The following SH2B2 variants were observed in gnomAD, a reference collection of about 807,000 sequenced individuals.
SH2B2 encodes the protein SH2B adapter protein 2.
Under a neutral mutation model 35.7 loss-of-function variants are expected in SH2B2, and 37 were observed. The observed-to-expected ratio is 1.04, with a 90% CI of 0.80 to 1.36. The LOEUF (loss-of-function observed/expected upper bound fraction) is 1.36, where lower values mean the gene tolerates loss of function less well. Ranked by LOEUF, SH2B2 falls within the 40% of genes most tolerant of loss-of-function variation. The probability of loss-of-function intolerance (pLI) is 0.00; values close to 1 mark genes in which losing one functional copy is unlikely to be tolerated. For synonymous variants in SH2B2, 383 were observed against 376.4 expected, an observed-to-expected ratio of 1.02 and a Z score of -0.20; for missense variants, 852 against 817.7, an observed-to-expected ratio of 1.04 and a Z score of -0.51.
intron 1 of SH2B2, among the ~76,000 whole-genome samples, chr7:102,294,865 T>C (rs1357238520): frequency 6.6e-6 from 1 of 152,214 alleles, no homozygotes; most frequent in Non-Finnish European, 1.5e-5. Flanking sequence ...CTGGACCTAC[T>C]GAGGGCTTCT....
At chr7:102,302,482 C>T (rs1201797390) in intron 2 of SH2B2, among the ~76,000 whole-genome samples, 1 of 152,244 alleles carries the variant, frequency 6.6e-6, no homozygotes, top group Non-Finnish European at 1.5e-5. Context: ...AGGGGCTGGC[C>T]ATCAGGTCCC....
At chr7:102,294,216 C>T (rs946601651) in intron 1 of SH2B2, among the ~76,000 whole-genome samples, 5 of 152,012 alleles carry the variant, frequency 3.3e-5, no homozygotes, top group Admixed American at 6.6e-5. Context: ...TTAGTAGAGA[C>T]GGGGTTTCAC....
chr7:102,296,978 CA>C (rs1212982728), intron 1 of SH2B2, among the ~76,000 whole-genome samples: 1 of 148,044 alleles, frequency 6.8e-6, no homozygotes, highest in Non-Finnish European at 1.5e-5. Flanking sequence ...GACTCTGTCT[CA>C]AAAAAAAACA....
chr7:102,285,252 G>T, upstream of SH2B2: 9 of 1,550,712 alleles, frequency 5.8e-6, no homozygotes, highest in Non-Finnish European at 6.1e-6. Flanking sequence ...CCACTACTCT[G>T]AACCAGGTTA....
intron 8 of SH2B2, 81 bp downstream of exon 8, chr7:102,320,583 G>C (rs1335171511): frequency 6.7e-7 from 1 of 1,495,594 alleles, no homozygotes; most frequent in African/African-American, 1.4e-5. Context: ...CCTGGGGTGG[G>C]ATGAGCCCCA....
At position 102,317,151 on chromosome 7, in the gene SH2B2, C is replaced by A. The variant is rs9691917; in HGVS notation, c.1187-36C>A. The A allele has an allele frequency of 1.1e-5, 17 of 1,494,920 alleles. No individual in the cohort carries two copies. In the East Asian group the frequency reaches 3.9e-4, roughly 35 times the overall value. 92.6% of individuals were successfully genotyped at this position (1,494,920 alleles called of 1,614,324 possible). ...TATTTATTTGTCCCCCTTTCTCCTT[C>A]CCCCCATGTTCCTCACACTGTCATC... On this transcript the variant is annotated intron_variant, in intron 6 of 8. Coordinates refer to ENST00000444095, the MANE Select transcript of SH2B2 (RefSeq NM_001359228.2).
At chr7:102,319,430 G>C (rs1253104417) in intron 7 of SH2B2, among the ~76,000 whole-genome samples, 1 of 152,132 alleles carries the variant, frequency 6.6e-6, no homozygotes, top group Non-Finnish European at 1.5e-5. Flanking sequence ...GGGTTGGGGG[G>C]TATCTCACCA....
intron 1 of SH2B2, among the ~76,000 whole-genome samples, chr7:102,287,489 G>A (rs1258547177): frequency 6.6e-6 from 1 of 152,194 alleles, no homozygotes; most frequent in East Asian, 1.9e-4. Flanking sequence ...GGGAGCGCTG[G>A]GAGGGGGCGT....
In SH2B2 at chr7:102,321,494, G is replaced by T; in HGVS notation, c.1763G>T (p.Gly588Val). 1 of 1,165,156 alleles carries T rather than the reference G, an allele frequency of 8.6e-7. No individual in the cohort carries two copies. The highest frequency in any genetic ancestry group is 1.1e-6 in the Non-Finnish European group (1 of 944,276). 72.2% of individuals were successfully genotyped at this position (1,165,156 alleles called of 1,614,324 possible). ...SGPAPPRPVE[G>V]QLSARSRSNS... is the part of the protein sequence containing the mutation. ...CCCGCCCCCCCGCGCCCCGTCGAGG[G>T]CCAGCTCAGCGCGCGGAGCCGCAGC... Residue 588 changes from glycine (G) to valine (V), a missense_variant, in exon 9 of 9, where the codon GGC becomes GTC. Gly to Val is a moderately radical substitution (Grantham distance 109). Transcript: ENST00000444095.
intron 3 of SH2B2, among the ~76,000 whole-genome samples, chr7:102,307,038 C>T (rs1333942973): frequency 6.6e-6 from 1 of 152,250 alleles, no homozygotes; most frequent in African/African-American, 2.4e-5. Flanking sequence ...CCTCGGGCGT[C>T]GCCCAACATC....
Position 102,317,225 on chromosome 7 carries a change from G to C in SH2B2, c.1225G>C (p.Glu409Gln). 2 of 1,610,758 alleles carry C rather than the reference G, an allele frequency of 1.2e-6. No homozygotes were observed. Among genetic ancestry groups the C allele is most frequent in the Non-Finnish European group, 1.7e-6 (2 of 1,178,606 alleles). Residue 409 changes from glutamate (E) to glutamine (Q), a missense_variant, in exon 7 of 9, where the codon GAG (glutamate) becomes CAG (glutamine). Transcript: ENST00000444095. ...GAETDPEAEP[E>Q]LELSDYPWFH... ...AGAGACGGATCCCGAGGCTGAACCC[G>C]AGCTGGAGCTATCCGACTACCCATG... is the stretch of plus-strand genomic sequence containing the variant.
In SH2B2 at chr7:102,321,657, GC is replaced by G; in HGVS notation, c.*29del. The G allele has an allele frequency of 8.9e-7, 1 of 1,125,480 alleles. No individual in the cohort carries two copies. 69.7% of individuals were successfully genotyped at this position (1,125,480 alleles called of 1,614,324 possible). On this transcript the variant is annotated 3_prime_UTR_variant, in exon 9 of 9. Coordinates refer to ENST00000444095, the MANE Select transcript of SH2B2 (RefSeq NM_001359228.2). ...CCGCGGCGCCGCCCGGGTGGGACACGCCAAGCTCTTCAGTGAAGACACGATG... is the reference window on the plus strand; with the variant it reads ...CCGCGGCGCCGCCCGGGTGGGACACGCAAGCTCTTCAGTGAAGACACGATG...
intron 4 of SH2B2, chr7:102,309,339 CT>C: frequency 3.3e-6 from 1 of 300,820 alleles, no homozygotes; most frequent in South Asian, 2.7e-5. Context: ...TAGCCAGACC[CT>C]CTCTCTCTCT....
At chr7:102,304,954 T>C (rs1208355354) in intron 2 of SH2B2, among the ~76,000 whole-genome samples, 4 of 152,342 alleles carry the variant, frequency 2.6e-5, no homozygotes, top group African/African-American at 9.6e-5. Context: ...ACAGCGCTGC[T>C]GGGAATCTCA....
At chr7:102,318,735 C>G (rs1793951793) in intron 7 of SH2B2, among the ~76,000 whole-genome samples, 1 of 152,152 alleles carries the variant, frequency 6.6e-6, no homozygotes, top group Non-Finnish European at 1.5e-5. Context: ...GGCTTCTCTC[C>G]TCCTCCAGGT....
chr7:102,300,411 T>A, intron 1 of SH2B2, 111 bp from the exon 2 acceptor site: 1 of 1,316,916 alleles, frequency 7.6e-7, no homozygotes, highest in Non-Finnish European at 1.0e-6. Flanking sequence ...CGTGTGCATG[T>A]ACACACACAC....
At chr7:102,304,415 G>A (rs782005503) in intron 2 of SH2B2, among the ~76,000 whole-genome samples, 3 of 152,186 alleles carry the variant, frequency 2.0e-5, no homozygotes, top group Non-Finnish European at 4.4e-5. Flanking sequence ...CCGGCCCCCC[G>A]CCATTAGGGA....
chr7:102,315,305 T>C (rs536757609), intron 6 of SH2B2, among the ~76,000 whole-genome samples: 2 of 152,098 alleles, frequency 1.3e-5, no homozygotes, highest in Non-Finnish European at 2.9e-5. Context: ...AGTTTGAGAC[T>C]AGCCTGGACA....
At chr7:102,288,896 A>T (rs968952) in intron 1 of SH2B2, among the ~76,000 whole-genome samples, 1 of 151,946 alleles carries the variant, frequency 6.6e-6, no homozygotes, top group Admixed American at 6.5e-5. Context: ...CTGCCTACCC[A>T]GCCTGGGTTG....
Sources: allele counts gnomAD v4.1 joint callset (sites outside exome capture counted in the v4.1 genomes callset), GRCh38; gene constraint gnomAD v4.1.1; transcripts MANE v1.5; gene names NCBI Gene and HGNC (gene_info 2026-07-23, HGNC 2026-07-21).